The following TEAD1 variants were observed in gnomAD, a reference collection of about 807,000 sequenced individuals.
TEAD1 encodes TEA domain transcription factor 1, also known as transcriptional enhancer factor TEF-1.
In TEAD1, 9 loss-of-function variants were observed where a neutral mutation model predicts 54.9. That is an observed-to-expected ratio of 0.16 (90% confidence interval 0.10 to 0.29). The LOEUF (loss-of-function observed/expected upper bound fraction) is 0.29. Among genes scored for constraint, TEAD1 ranks in the 10% least tolerant of loss-of-function variants. The probability of loss-of-function intolerance (pLI) is 1.00; values close to 1 mark genes in which losing one functional copy is unlikely to be tolerated. For missense variants in TEAD1, 387 were observed against 535.9 expected, an observed-to-expected ratio of 0.72 and a Z score of 2.74; for synonymous variants, 200 against 187.8, an observed-to-expected ratio of 1.07 and a Z score of -0.53.
intron 9 of TEAD1, among the ~76,000 whole-genome samples, chr11:12,884,561 G>A (rs1289580793): frequency 2.0e-5 from 3 of 152,192 alleles, no homozygotes; most frequent in East Asian, 1.9e-4. Context: ...GGGCAGAGGG[G>A]CTTGACCAGT....
chr11:12,785,584 T>C (rs1426269515), intron 3 of TEAD1, among the ~76,000 whole-genome samples: 2 of 152,234 alleles, frequency 1.3e-5, no homozygotes, highest in Admixed American at 6.5e-5. Flanking sequence ...GTGCCTTCAC[T>C]TTTGGCTCAA....
At position 12,938,597 on chromosome 11, in the gene TEAD1, A is replaced by G. The variant is rs912944719; in HGVS notation, c.*1375A>G. The G allele has an allele frequency of 6.6e-6, 1 of 152,348 alleles. No homozygotes were observed. Among genetic ancestry groups the G allele is most frequent in the South Asian group, 2.1e-4 (1 of 4,832 alleles). 9.4% of individuals were successfully genotyped at this position (152,348 alleles called of 1,614,324 possible). A position where few individuals can be genotyped will look rare whatever the true frequency, so the allele number is the denominator to read the frequency against. On this transcript the variant is annotated 3_prime_UTR_variant, in exon 13 of 13. Coordinates refer to ENST00000527636, the MANE Select transcript of TEAD1 (RefSeq NM_021961.6). ...TCTTTAGCGTCTCTCAGTAAGTTAC[A>G]GTACTTGTTTGACTTAGGTTTAAGA...
intron 3 of TEAD1, among the ~76,000 whole-genome samples, chr11:12,840,611 C>T (rs138632049): frequency 1.3e-5 from 2 of 152,286 alleles, no homozygotes; most frequent in East Asian, 3.9e-4. Context: ...GCTCTTCCTG[C>T]AGTTTGGAAG....
intron 2 of TEAD1, among the ~76,000 whole-genome samples, chr11:12,741,126 A>G (rs992510822): frequency 1.3e-5 from 2 of 152,124 alleles, no homozygotes; most frequent in Non-Finnish European, 1.5e-5. Flanking sequence ...GGTTATAATC[A>G]TGTAATTTTG....
intron 2 of TEAD1, among the ~76,000 whole-genome samples, chr11:12,707,060 G>C (rs974250360): frequency 6.0e-5 from 9 of 151,168 alleles, no homozygotes; most frequent in South Asian, 2.1e-4. Context: ...CCAAATTGAT[G>C]GCCAGTTGGA....
intron 2 of TEAD1, among the ~76,000 whole-genome samples, chr11:12,699,602 T>C (rs367942881): frequency 6.6e-6 from 1 of 152,318 alleles, no homozygotes; most frequent in East Asian, 1.9e-4. Context: ...CTGCATCCTG[T>C]TTATTTCTCT....
chr11:12,922,736 C>G (rs1008134773), intron 10 of TEAD1: 2 of 151,822 alleles, frequency 1.3e-5, no homozygotes, highest in Non-Finnish European at 2.9e-5. Context: ...TGAGACCAGC[C>G]TGGGCACCAA....
chr11:12,798,022 A>G (rs771270334), intron 3 of TEAD1, among the ~76,000 whole-genome samples: 1 of 152,198 alleles, frequency 6.6e-6, no homozygotes, highest in Non-Finnish European at 1.5e-5. Context: ...TGCAATGGAA[A>G]TTAAACTTTT....
chr11:12,850,280 C>T (rs1007996591), intron 3 of TEAD1, among the ~76,000 whole-genome samples: 2 of 152,116 alleles, frequency 1.3e-5, no homozygotes, highest in Non-Finnish European at 2.9e-5. Context: ...TACTAAATAA[C>T]AAACAATTAG....
At chr11:12,678,223 A>G (rs570684508) in intron 2 of TEAD1, among the ~76,000 whole-genome samples, 15 of 152,364 alleles carry the variant, frequency 9.8e-5, no homozygotes, top group African/African-American at 3.6e-4. Context: ...AATGCAAGCC[A>G]ACCTTGTTAA....
chr11:12,884,513 G>A (rs534102510), intron 9 of TEAD1, among the ~76,000 whole-genome samples: 6 of 152,306 alleles, frequency 3.9e-5, no homozygotes, highest in African/African-American at 1.4e-4. Context: ...CCTCTCACGG[G>A]AGTGTTTGCA....
At chr11:12,684,763 A>C (rs545798334) in intron 2 of TEAD1, among the ~76,000 whole-genome samples, 222 of 152,178 alleles carry the variant, frequency 1.5e-3, no homozygotes, top group Non-Finnish European at 2.7e-3. Flanking sequence ...TCAGTACTGC[A>C]AGCTCCAGAG....
intron 3 of TEAD1, among the ~76,000 whole-genome samples, chr11:12,768,067 A>G (rs758678993): frequency 3.9e-5 from 6 of 152,226 alleles, no homozygotes; most frequent in Non-Finnish European, 7.3e-5. Flanking sequence ...TGAAAATCCC[A>G]GTCAGATAGA....
rs532987137 is a variant in TEAD1 at position 12,904,966 on chromosome 11, G to A, written c.873+2853G>A. 1.1e-4 allele frequency: 22 copies of A among 207,272 alleles called. No individual in the cohort carries two copies. In the South Asian group the frequency reaches 1.4e-3, roughly 13 times the overall value. 12.8% of individuals were successfully genotyped at this position (207,272 alleles called of 1,614,324 possible). A position where few individuals can be genotyped will look rare whatever the true frequency, so the allele number is the denominator to read the frequency against. On this transcript the variant is annotated intron_variant, in intron 10 of 12. Coordinates refer to ENST00000527636, the MANE Select transcript of TEAD1 (RefSeq NM_021961.6). ...TGGTACATCAATAATTTATTTACGA[G>A]TGTAAAGGGGTCCTGTGATCAAAAA...
intron 3 of TEAD1, among the ~76,000 whole-genome samples, chr11:12,840,535 T>C (rs1188954704): frequency 6.6e-6 from 1 of 152,184 alleles, no homozygotes; most frequent in Non-Finnish European, 1.5e-5. Flanking sequence ...TTTTACTCAT[T>C]TTCACTTTCA....
At chr11:12,827,649 G>A (rs188872316) in intron 3 of TEAD1, among the ~76,000 whole-genome samples, 3 of 152,280 alleles carry the variant, frequency 2.0e-5, no homozygotes, top group Admixed American at 6.5e-5. Context: ...ACTGTCAAAC[G>A]CATCAGACAC....
chr11:12,856,129 C>T (rs970574493), intron 3 of TEAD1, among the ~76,000 whole-genome samples: 1 of 100,698 alleles, frequency 9.9e-6, no homozygotes, highest in Non-Finnish European at 2.2e-5. Flanking sequence ...TTATCTTCTT[C>T]CTTTTTTTTT....
At chr11:12,808,562 A>T (rs570427586) in intron 3 of TEAD1, among the ~76,000 whole-genome samples, 1 of 152,286 alleles carries the variant, frequency 6.6e-6, no homozygotes, top group South Asian at 2.1e-4. Context: ...AATCAGAGGC[A>T]CGTAGCAACT....
chr11:12,743,209 G>A (rs1944681162), intron 2 of TEAD1, among the ~76,000 whole-genome samples: 1 of 152,214 alleles, frequency 6.6e-6, no homozygotes, highest in Admixed American at 6.5e-5. Flanking sequence ...GTTTAGCAAA[G>A]AGAGGTAAAG....
Sources: allele counts gnomAD v4.1 joint callset (sites outside exome capture counted in the v4.1 genomes callset), GRCh38; gene constraint gnomAD v4.1.1; transcripts MANE v1.5; gene names NCBI Gene and HGNC (gene_info 2026-07-23, HGNC 2026-07-21).